The following STRN variants were observed in gnomAD, a reference collection of about 807,000 sequenced individuals.
The protein encoded by STRN is protein phosphatase 2 regulatory subunit B'''alpha.
In STRN, 53 loss-of-function variants were observed where a neutral mutation model predicts 96.3. That is an observed-to-expected ratio of 0.55 (90% CI 0.44 to 0.69). STRN has a LOEUF of 0.69. Among genes scored for constraint, STRN ranks in the 30% least tolerant of loss-of-function variants. The pLI, the probability that STRN is intolerant of heterozygous loss-of-function variation, is 0.00. For missense variants in STRN, 987 were observed against 963.9 expected (o/e 1.02, Z -0.32); for synonymous variants, 428 against 355.9 (o/e 1.20, Z -2.28).
At chr2:36,886,055 A>C (rs1054040117) in intron 8 of STRN, among the ~76,000 whole-genome samples, 1 of 152,164 alleles carries the variant, frequency 6.6e-6, no homozygotes, top group Non-Finnish European at 1.5e-5. Flanking sequence ...ATAATTAAAC[A>C]TATATGATTC....
At position 36,844,022 on chromosome 2, in the gene STRN, A is replaced by C. The variant is rs969030484; in HGVS notation, c.*5434T>G. On this transcript the variant is annotated 3_prime_UTR_variant, in exon 18 of 18. Coordinates refer to ENST00000263918, the MANE Select transcript of STRN (RefSeq NM_003162.4). ...TCACCAGCTGGAGGACTGGGTGTGG[A>C]GAGAAAGGGTTATTTAGGAATCTGA... The C allele has an allele frequency of 6.6e-6, 1 of 152,160 alleles. No individual in the cohort carries two copies. Among genetic ancestry groups the C allele is most frequent in the African/African-American group, 2.4e-5 (1 of 41,458 alleles). The allele number at this position is 152,160 out of a possible 1,614,324, so 9.4% of individuals were successfully genotyped here.
intron 14 of STRN, 64 bp from the exon 15 acceptor site, chr2:36,855,416 T>C (rs1277576082): frequency 1.9e-6 from 3 of 1,557,406 alleles, no homozygotes; most frequent in Admixed American, 2.0e-5. Flanking sequence ...CTGCTTAAAA[T>C]AGAGCAAAAC....
At chr2:36,862,301 C>G (rs949896440) in intron 12 of STRN, among the ~76,000 whole-genome samples, 5 of 152,122 alleles carry the variant, frequency 3.3e-5, no homozygotes, top group Non-Finnish European at 2.9e-5. Context: ...ACTGGTAGTT[C>G]AAACTTCTTT....
At chr2:36,938,819 T>C (rs1367110993) in intron 1 of STRN, among the ~76,000 whole-genome samples, 1 of 152,218 alleles carries the variant, frequency 6.6e-6, no homozygotes, top group Non-Finnish European at 1.5e-5. Context: ...AGACATAATA[T>C]ATGTCTGCTG....
At position 36,909,031 on chromosome 2, in the gene STRN, G is replaced by A. The variant is rs142806884; in HGVS notation, c.413-3413C>T. ...AATAGCTGGGCAAGGTGGCGCATGC[G>A]TGTAATCCCAGCTACTAGGGAGGCT... is the stretch of plus-strand genomic sequence containing the variant. On this transcript the variant is annotated intron_variant, in intron 3 of 17. Coordinates refer to ENST00000263918, the MANE Select transcript of STRN (RefSeq NM_003162.4). 3.7e-3 allele frequency among the ~76,000 whole-genome samples: 560 copies of A among 150,920 alleles called. 2 individuals carry two copies. The highest frequency in any genetic ancestry group is 0.013 in the African/African-American group (538 of 41,022).
intron 15 of STRN, among the ~76,000 whole-genome samples, chr2:36,852,646 T>C (rs1381233489): frequency 6.6e-6 from 1 of 152,246 alleles, no homozygotes; most frequent in Non-Finnish European, 1.5e-5. Flanking sequence ...TTTTGTACCT[T>C]TTCTGCAAGT....
At chr2:36,869,766 A>G (rs368328144) in intron 10 of STRN, 37 bp from the exon 11 acceptor site, 2 of 1,457,998 alleles carry the variant, frequency 1.4e-6, no homozygotes, top group Non-Finnish European at 9.1e-7. Flanking sequence ...CTACACACTT[A>G]GTTAAGGATA....
At chr2:36,929,945 A>T (rs1270286981) in intron 1 of STRN, among the ~76,000 whole-genome samples, 3 of 152,232 alleles carry the variant, frequency 2.0e-5, no homozygotes, top group Non-Finnish European at 4.4e-5. Context: ...TAAAAGAGGA[A>T]ATATATAAGT....
In STRN at chr2:36,855,276, A is replaced by G; in HGVS notation, c.1914T>C (p.Tyr638=). 1 of 1,613,978 alleles carries G rather than the reference A, an allele frequency of 6.2e-7. No individual in the cohort carries two copies. Residue 638 remains tyrosine (Y), a synonymous_variant, in exon 15 of 18, where the codon TAT becomes TAC. Coordinates refer to ENST00000263918, the MANE Select transcript of STRN (RefSeq NM_003162.4). ...SHMVASFSKG[Y]TSIFNMETQQ... ...GTGTTTCCATGTTAAAAATGCTTGT[A>G]TATCCCTTGCTGAATGATGCTACCA...
At chr2:36,850,858 A>AG in intron 16 of STRN, 142 bp downstream of exon 16, 1 of 577,080 alleles carries the variant, frequency 1.7e-6, no homozygotes, top group African/African-American at 1.9e-5. Context: ...TAGAGTGAAG[A>AG]GAAACTGAGA....
At chr2:36,951,032 A>G (rs546608819) in intron 1 of STRN, among the ~76,000 whole-genome samples, 1 of 152,346 alleles carries the variant, frequency 6.6e-6, no homozygotes, top group Non-Finnish European at 1.5e-5. Context: ...TGATAACTAG[A>G]TATTTAAAAT....
intron 4 of STRN, among the ~76,000 whole-genome samples, chr2:36,903,589 A>G (rs764934052): frequency 6.6e-6 from 1 of 152,238 alleles, no homozygotes; most frequent in Admixed American, 6.5e-5. Context: ...ACATTAACTT[A>G]TAAGTAGGCA....
Position 36,916,062 on chromosome 2 carries a change from A to T in STRN, c.412+16T>A, listed in dbSNP as rs1323294725. 1.2e-6 allele frequency: 2 copies of T among 1,605,416 alleles called. No homozygotes were observed. The highest frequency in any genetic ancestry group is 1.7e-6 in the Non-Finnish European group (2 of 1,173,638). ...ACTTCTTTTTAACACTTAAACTTCC[A>T]TTAAAATTAGCTTACCAGAATCATA... On this transcript the variant is annotated intron_variant, in intron 3 of 17. Coordinates refer to ENST00000263918, the MANE Select transcript of STRN (RefSeq NM_003162.4).
intron 10 of STRN, among the ~76,000 whole-genome samples, chr2:36,873,599 G>A (rs1469552187): frequency 6.6e-6 from 1 of 151,968 alleles, no homozygotes; most frequent in Non-Finnish European, 1.5e-5. Context: ...TTGTGTTCAA[G>A]GAGATAAAAG....
At chr2:36,946,548 C>G (rs1670989827) in intron 1 of STRN, among the ~76,000 whole-genome samples, 1 of 152,124 alleles carries the variant, frequency 6.6e-6, no homozygotes, top group Non-Finnish European at 1.5e-5. Context: ...AGCGCAAGCT[C>G]AATAAAAATC....
intron 16 of STRN, among the ~76,000 whole-genome samples, chr2:36,850,594 T>C (rs1668193949): frequency 6.6e-6 from 1 of 152,210 alleles, no homozygotes; most frequent in African/African-American, 2.4e-5. Flanking sequence ...AATAATGCTA[T>C]TCAATAACTG....
At chr2:36,874,432 A>G (rs899672593) in intron 10 of STRN, among the ~76,000 whole-genome samples, 9 of 152,124 alleles carry the variant, frequency 5.9e-5, no homozygotes, top group African/African-American at 1.9e-4. Flanking sequence ...TAACACACAT[A>G]TAACTATGTT....
At chr2:36,919,151 C>A (rs1670183110) in intron 2 of STRN, among the ~76,000 whole-genome samples, 1 of 152,096 alleles carries the variant, frequency 6.6e-6, no homozygotes, top group South Asian at 2.1e-4. Flanking sequence ...TTACTGAATT[C>A]CTATGATTTA....
At chr2:36,915,087 C>G (rs1382029065) in intron 3 of STRN, among the ~76,000 whole-genome samples, 1 of 150,390 alleles carries the variant, frequency 6.6e-6, no homozygotes, top group African/African-American at 2.4e-5. Flanking sequence ...ATCCCAGCTA[C>G]TCGGGAGGCT....
Sources: gnomAD v4.1 joint callset for allele counts (sites outside exome capture counted in the v4.1 genomes callset) on GRCh38, gnomAD v4.1.1 for gene constraint, MANE v1.5 for transcripts, NCBI Gene and HGNC (gene_info 2026-07-23, HGNC 2026-07-21) for gene names.